The following VCF1 variants were observed in gnomAD, a reference collection of about 807,000 sequenced individuals.
The protein encoded by VCF1 is VCP nuclear cofactor family member 1.
chr17:73,232,337 G>A, the VCF1 span: 70 of 1,536,552 alleles, frequency 4.6e-5, no homozygotes, highest in Non-Finnish European at 5.5e-5. Flanking sequence ...GCCCTCTCGC[G>A]GCTGCGCAGT....
chr17:73,229,565 A>T, the VCF1 span: 1 of 985,330 alleles, frequency 1.0e-6, no homozygotes, highest in Non-Finnish European at 1.2e-6. Context: ...CTCGGCATAG[A>T]AATAATCTTA....
At chr17:73,207,667 T>C in the VCF1 span, 1 of 1,295,156 alleles carries the variant, frequency 7.7e-7, no homozygotes, top group South Asian at 1.2e-5. Flanking sequence ...CCCCAAAAGT[T>C]TGACATTTTC....
chr17:73,209,042 G>A, the VCF1 span: 3 of 196,018 alleles, frequency 1.5e-5, no homozygotes, highest in Admixed American at 5.3e-5. Context: ...AGGTAGTATG[G>A]CAGTTAATTT....
the VCF1 span, chr17:73,207,666 T>C: frequency 1.2e-5 from 16 of 1,294,700 alleles, no homozygotes; most frequent in South Asian, 9.9e-5. Flanking sequence ...TCCCCAAAAG[T>C]TTGACATTTT....
chr17:73,209,387 G>A, the VCF1 span: 5 of 1,134,550 alleles, frequency 4.4e-6, no homozygotes, highest in Non-Finnish European at 6.1e-6. Flanking sequence ...ACAACTGCCT[G>A]TTAACCTGTT....
chr17:73,207,505 G>C, the VCF1 span: 1 of 609,190 alleles, frequency 1.6e-6, no homozygotes, highest in East Asian at 3.4e-5. Flanking sequence ...ACAGGACAGG[G>C]TGGAGATGAG....
At chr17:73,221,969 C>T in the VCF1 span, among the ~76,000 whole-genome samples, 5 of 135,392 alleles carry the variant, frequency 3.7e-5, no homozygotes, top group South Asian at 9.8e-4. Context: ...TCCCCAGAGG[C>T]GGAGGCTGCA....
the VCF1 span, among the ~76,000 whole-genome samples, chr17:73,219,191 CAAAAAAAAAAA>C: frequency 4.8e-5 from 2 of 41,856 alleles, no homozygotes; most frequent in African/African-American, 2.0e-4. Flanking sequence ...AACTCCGTCT[CAAAAAAAAAAA>C]AAAAAAAAAA....
the VCF1 span, chr17:73,232,258 T>G: frequency 1.9e-6 from 3 of 1,610,896 alleles, no homozygotes; most frequent in Admixed American, 5.0e-5. Context: ...TACCCCTCAG[T>G]CGGACCCGTA....
At chr17:73,218,102 A>G in the VCF1 span, among the ~76,000 whole-genome samples, 4 of 152,232 alleles carry the variant, frequency 2.6e-5, no homozygotes, top group African/African-American at 9.6e-5. Flanking sequence ...TACCCATAGT[A>G]TATACTCCAT....
chr17:73,208,523 C>T, the VCF1 span: 3 of 1,537,880 alleles, frequency 2.0e-6, no homozygotes, highest in Non-Finnish European at 2.7e-6. Context: ...CTCTGCTCAT[C>T]TGATTCTCAG....
At chr17:73,207,821 A>ATTGT in the VCF1 span, 1 of 1,281,378 alleles carries the variant, frequency 7.8e-7, no homozygotes, top group Non-Finnish European at 1.0e-6. Flanking sequence ...TGTTTGCTTT[A>ATTGT]TTGTTAGACA....
the VCF1 span, chr17:73,232,331 T>C: frequency 3.0e-4 from 466 of 1,543,746 alleles, 1 homozygote; most frequent in Non-Finnish European, 5.8e-5. Context: ...GGTACCGCCC[T>C]CTCGCGGCTG....
At chr17:73,222,022 C>G in the VCF1 span, among the ~76,000 whole-genome samples, 1 of 112,684 alleles carries the variant, frequency 8.9e-6, no homozygotes, top group Non-Finnish European at 1.7e-5. Context: ...GGGGAAAGAG[C>G]GAGACTCTGT....
At chr17:73,228,694 T>G in the VCF1 span, among the ~76,000 whole-genome samples, 1 of 152,290 alleles carries the variant, frequency 6.6e-6, no homozygotes, top group African/African-American at 2.4e-5. Context: ...TAAAAAAAAA[T>G]AGATGAATAT....
the VCF1 span, among the ~76,000 whole-genome samples, chr17:73,213,445 T>G: frequency 6.6e-6 from 1 of 152,222 alleles, no homozygotes; most frequent in African/African-American, 2.4e-5. Context: ...TTTTACATCA[T>G]TTCAGTTCAT....
At chr17:73,217,648 CAAAAATA>C in the VCF1 span, among the ~76,000 whole-genome samples, 2 of 150,022 alleles carry the variant, frequency 1.3e-5, no homozygotes, top group African/African-American at 4.9e-5. Flanking sequence ...GACTCTGCCT[CAAAAATA>C]AAAAATAAAA....
the VCF1 span, chr17:73,208,248 C>T: frequency 1.6e-4 from 260 of 1,609,616 alleles, 2 homozygotes; most frequent in African/African-American, 3.0e-3. Flanking sequence ...TGGCGTCGCG[C>T]GGAGGGCGAG....
the VCF1 span, chr17:73,209,353 A>G: frequency 4.1e-3 from 3,419 of 840,594 alleles, 15 homozygotes; most frequent in Non-Finnish European, 5.1e-3. Flanking sequence ...TGAAATTGCA[A>G]TAGTGCAGCA....
Sources: allele counts gnomAD v4.1 joint callset (sites outside exome capture counted in the v4.1 genomes callset), GRCh38; gene constraint gnomAD v4.1.1; transcripts MANE v1.5; gene names NCBI Gene and HGNC (gene_info 2026-07-23, HGNC 2026-07-21).